The following CFAP20DC variants were observed in gnomAD, a reference collection of about 807,000 sequenced individuals.
The protein encoded by CFAP20DC is CFAP20 domain containing, also known as protein CFAP20DC.
In CFAP20DC, 84 loss-of-function variants were observed where a neutral mutation model predicts 101.7. The ratio of observed to expected loss-of-function variants is 0.83; its 90% CI spans 0.69 to 0.99. CFAP20DC has a LOEUF of 0.99. CFAP20DC is among the 50% of genes least tolerant of loss of function. The pLI is 0.00. For missense variants in CFAP20DC, 1,007 were observed against 970.3 expected (o/e 1.04, Z -0.50); for synonymous variants, 359 against 351.2 (o/e 1.02, Z -0.25).
In CFAP20DC at chr3:58,729,797, T is replaced by C. The variant is rs1411565517; in HGVS notation, c.198-12169A>G. 6.6e-6 allele frequency among the ~76,000 whole-genome samples: 1 copy of C among 151,950 alleles called. No individual in the cohort carries two copies. Among genetic ancestry groups the C allele is most frequent in the Non-Finnish European group, 1.5e-5 (1 of 67,992 alleles). On this transcript the variant is annotated intron_variant, in intron 3 of 3. Transcript: ENST00000486145. This position sits in a 1 kb window ranked among gnomAD's most constrained non-coding sequence, Gnocchi z 4.4. ...ACTTTGGGAGGCCGAGGAGGGTGAA[T>C]TGCCTGAGGTCAGGAGTTCGAGACC...
Position 58,979,832 on chromosome 3 carries a change from T to A in CFAP20DC, c.279-42070A>T, listed in dbSNP as rs193175473. 6.9e-4 allele frequency among the ~76,000 whole-genome samples: 105 copies of A among 151,156 alleles called. 1 individual carries two copies. The highest frequency in any genetic ancestry group is 2.5e-3 in the African/African-American group (104 of 41,192). On this transcript the variant is annotated intron_variant, in intron 4 of 16. Coordinates refer to ENST00000482387, the MANE Select transcript of CFAP20DC (RefSeq NM_001394063.1). The stretch of plus-strand genomic sequence containing the variant: ...GTTTCTTTTTCTTTTTTTTTTTTTA[T>A]GGAGAATCAATATAACAAAAATCCA...
At position 58,926,418 on chromosome 3, in the gene CFAP20DC, T is replaced by C. The variant is rs9835600; in HGVS notation, c.393+11230A>G. On this transcript the variant is annotated intron_variant, in intron 5 of 16. Transcript: ENST00000482387. ...AAAAGAAAAAATAATAATATTCACA[T>C]AAATGAGATGAAAACATTAAAAAAC... Among the ~76,000 whole-genome samples, 640 of 151,992 alleles carry C rather than the reference T, an allele frequency of 4.2e-3. 6 individuals are homozygous for C. The highest frequency in any genetic ancestry group is 0.015 in the African/African-American group (617 of 41,480).
At position 58,841,959 on chromosome 3, in the gene CFAP20DC, C is replaced by T. The variant is rs115262025; in HGVS notation, c.1971+7073G>A. On this transcript the variant is annotated intron_variant, in intron 13 of 16. Coordinates refer to ENST00000482387, the MANE Select transcript of CFAP20DC (RefSeq NM_001394063.1). ...AATTGCTTGAATACAGTTATACGTG[C>T]GAAAAAGTTTAATTACCAGCTATCT... Among the ~76,000 whole-genome samples the T allele has an allele frequency of 2.9e-3, 442 of 152,192 alleles. 1 individual carries two copies. Among genetic ancestry groups the T allele is most frequent in the African/African-American group, 0.01 (423 of 41,524 alleles).
chr3:58,878,682 T>A (rs927159968), intron 7 of CFAP20DC, among the ~76,000 whole-genome samples: 1 of 152,098 alleles, frequency 6.6e-6, no homozygotes, highest in African/African-American at 2.4e-5. Flanking sequence ...ACTATTACGG[T>A]CATGAGAAAT....
rs75274768 is a variant in CFAP20DC at position 58,858,387 on chromosome 3, A to C, written c.1593+5171T>G. On this transcript the variant is annotated intron_variant, in intron 12 of 16. Transcript: ENST00000482387. The stretch of plus-strand genomic sequence containing the variant: ...GAGCCAGCACTTCCTCTGCTGAACT[A>C]CATTTCTTAAAAGGACATGCAGATG... 1.3e-3 allele frequency among the ~76,000 whole-genome samples: 191 copies of C among 152,320 alleles called. 4 individuals are homozygous for C. In the East Asian group the frequency reaches 0.028, roughly 22 times the overall value.
chr3:58,926,317 G>T (rs1356279418), intron 5 of CFAP20DC, among the ~76,000 whole-genome samples: 1 of 151,616 alleles, frequency 6.6e-6, no homozygotes, highest in Non-Finnish European at 1.5e-5. Flanking sequence ...AGTGAGCCGA[G>T]ATCATGCCAC....
intron 14 of CFAP20DC, among the ~76,000 whole-genome samples, chr3:58,821,061 T>G (rs2075600024): frequency 6.6e-6 from 1 of 151,744 alleles, no homozygotes; most frequent in South Asian, 2.1e-4. Context: ...CCCTATTTAA[T>G]AAATGGTGCT....
At chr3:58,875,938 A>G (rs1314902230) in intron 7 of CFAP20DC, among the ~76,000 whole-genome samples, 1 of 152,206 alleles carries the variant, frequency 6.6e-6, no homozygotes, top group Non-Finnish European at 1.5e-5. Flanking sequence ...CCCAGTGTCT[A>G]TTAAAGATAC....
intron 4 of CFAP20DC, among the ~76,000 whole-genome samples, chr3:58,945,318 G>T (rs962004324): frequency 2.0e-5 from 3 of 152,012 alleles, no homozygotes; most frequent in African/African-American, 7.2e-5. Context: ...TTTCCTCCTG[G>T]GAACAAGATA....
intron 13 of CFAP20DC, among the ~76,000 whole-genome samples, chr3:58,837,781 A>G (rs545297496): frequency 6.6e-6 from 1 of 152,238 alleles, no homozygotes; most frequent in Admixed American, 6.5e-5. Context: ...ATGTTTTTGG[A>G]CCCCAACATG....
intron 4 of CFAP20DC, among the ~76,000 whole-genome samples, chr3:58,975,629 G>C (rs985286762): frequency 1.3e-5 from 2 of 152,084 alleles, no homozygotes; most frequent in South Asian, 2.1e-4. Context: ...TACTTAAAAG[G>C]AGAATGTCTA....
At chr3:58,756,278 C>T (rs1026851814) in intron 15 of CFAP20DC, among the ~76,000 whole-genome samples, 10 of 152,052 alleles carry the variant, frequency 6.6e-5, no homozygotes, top group Admixed American at 1.3e-4. Flanking sequence ...TTACCTACTT[C>T]CTGAATTATG....
intron 4 of CFAP20DC, among the ~76,000 whole-genome samples, chr3:59,033,161 A>G (rs2094029231): frequency 6.6e-6 from 1 of 152,186 alleles, no homozygotes; most frequent in Non-Finnish European, 1.5e-5. Flanking sequence ...CAACATCAAC[A>G]AAAAGGATGT....
chr3:58,942,596 T>G (rs1387572556), intron 4 of CFAP20DC, among the ~76,000 whole-genome samples: 3 of 152,176 alleles, frequency 2.0e-5, no homozygotes, highest in Non-Finnish European at 4.4e-5. Context: ...GGAAATTCCC[T>G]CAGGTGCCTA....
intron 14 of CFAP20DC, among the ~76,000 whole-genome samples, chr3:58,820,607 G>A (rs1291124980): frequency 9.4e-4 from 142 of 151,748 alleles, no homozygotes; most frequent in African/African-American, 2.3e-3. Flanking sequence ...GACCTCTTCA[G>A]GGAGAACTAC....
At chr3:58,856,170 A>T (rs893405795) in intron 12 of CFAP20DC, among the ~76,000 whole-genome samples, 3 of 151,574 alleles carry the variant, frequency 2.0e-5, no homozygotes, top group Admixed American at 6.6e-5. Context: ...TACACTAAGG[A>T]TGAGAACTGC....
At chr3:59,027,289 T>C (rs2093910477) in intron 4 of CFAP20DC, among the ~76,000 whole-genome samples, 1 of 152,156 alleles carries the variant, frequency 6.6e-6, no homozygotes, top group African/African-American at 2.4e-5. Flanking sequence ...TTTAAAGAAT[T>C]TAACTTTTGC....
intron 4 of CFAP20DC, among the ~76,000 whole-genome samples, chr3:59,031,996 C>G (rs1377780828): frequency 6.6e-6 from 1 of 152,060 alleles, no homozygotes; most frequent in Non-Finnish European, 1.5e-5. Flanking sequence ...ACTGAGGTAC[C>G]CAGCTCATCT....
chr3:58,874,073 C>A lies in CFAP20DC; in HGVS notation c.716-3764G>T, dbSNP rs1168753238. ...TTTATATCTCTTAGCCTTGTCCTCT[C>A]TTCTGAGCTCCACTCCTTATATCCA... On this transcript the variant is annotated intron_variant, in intron 7 of 16. Coordinates refer to ENST00000482387, the MANE Select transcript of CFAP20DC (RefSeq NM_001394063.1). This position sits in a 1 kb window ranked among gnomAD's most constrained non-coding sequence, Gnocchi z 5.1. Among the ~76,000 whole-genome samples the A allele has an allele frequency of 3.9e-5, 6 of 152,258 alleles. No homozygotes were observed. The highest frequency in any genetic ancestry group is 7.2e-5 in the African/African-American group (3 of 41,474).
Sources: allele counts gnomAD v4.1 joint callset (sites outside exome capture counted in the v4.1 genomes callset), GRCh38; gene constraint gnomAD v4.1.1; non-coding constraint Gnocchi (gnomAD v3.1); transcripts MANE v1.5; gene names NCBI Gene and HGNC (gene_info 2026-07-23, HGNC 2026-07-21).